The following BAZ2B variants were observed in gnomAD, a reference collection of about 807,000 sequenced individuals.
The protein encoded by BAZ2B is bromodomain adjacent to zinc finger domain 2B, also known as bromodomain adjacent to zinc finger domain protein 2B.
BAZ2B carries 91 observed loss-of-function variants against 246.0 expected under a neutral mutation model. The observed-to-expected ratio is 0.37, with a 90% confidence interval of 0.31 to 0.44. The LOEUF (loss-of-function observed/expected upper bound fraction) is 0.44, where lower values mean the gene tolerates loss of function less well. Ranked by LOEUF, BAZ2B falls within the 20% of genes least tolerant of loss-of-function variation. The probability of loss-of-function intolerance (pLI) is 1.00; values close to 1 mark genes in which losing one functional copy is unlikely to be tolerated. For missense variants in BAZ2B, 2,332 were observed against 2,533.7 expected, an observed-to-expected ratio of 0.92 and a Z score of 1.71; for synonymous variants, 855 against 860.0, an observed-to-expected ratio of 0.99 and a Z score of 0.10.
At chr2:159,700,913 G>GT in the BAZ2B span, among the ~76,000 whole-genome samples, 16 of 152,126 alleles carry the variant, frequency 1.1e-4, no homozygotes, top group Non-Finnish European at 4.4e-5. Flanking sequence ...ATTTCATAAA[G>GT]TGATGTCTAA....
chr2:159,630,835 G>A, the BAZ2B span, among the ~76,000 whole-genome samples: 10 of 151,028 alleles, frequency 6.6e-5, no homozygotes, highest in Non-Finnish European at 1.3e-4. Context: ...CGCCCGGCCA[G>A]ACTAACCGTA....
At chr2:159,419,158 A>G (rs1249583316) in intron 13 of BAZ2B, among the ~76,000 whole-genome samples, 2 of 152,172 alleles carry the variant, frequency 1.3e-5, no homozygotes, top group East Asian at 3.8e-4. Context: ...AAACTTTTAG[A>G]ATGTCACACC....
At chr2:159,446,721 T>C in intron 6 of BAZ2B, 61 bp downstream of exon 6, 1 of 1,413,164 alleles carries the variant, frequency 7.1e-7, no homozygotes, top group Admixed American at 2.5e-5. Flanking sequence ...TGATTTGACC[T>C]TCAGAATGCT....
At chr2:159,640,893 A>G in the BAZ2B span, among the ~76,000 whole-genome samples, 1 of 152,060 alleles carries the variant, frequency 6.6e-6, no homozygotes, top group Non-Finnish European at 1.5e-5. Flanking sequence ...GAAATAATAA[A>G]GCTCAGAGAA....
the BAZ2B span, among the ~76,000 whole-genome samples, chr2:159,703,296 G>A: frequency 1.3e-4 from 19 of 150,970 alleles, no homozygotes; most frequent in East Asian, 2.8e-3. Flanking sequence ...ATTTTACCAC[G>A]TTGGCCAGGC....
intron 3 of BAZ2B, among the ~76,000 whole-genome samples, chr2:159,465,149 G>C (rs1017373772): frequency 1.3e-5 from 2 of 152,158 alleles, no homozygotes; most frequent in Admixed American, 1.3e-4. Context: ...TCCTTCTGAA[G>C]GCACTAGGAA....
chr2:159,329,579 T>G (rs897402605), intron 34 of BAZ2B, among the ~76,000 whole-genome samples: 2 of 152,268 alleles, frequency 1.3e-5, no homozygotes. Flanking sequence ...ATCAGGATAA[T>G]GTATGCAGAA....
At chr2:159,368,338 C>T (rs950957756) in intron 27 of BAZ2B, among the ~76,000 whole-genome samples, 2 of 152,268 alleles carry the variant, frequency 1.3e-5, no homozygotes, top group South Asian at 2.1e-4. Flanking sequence ...CAGGCATGAA[C>T]CAGTGCACCT....
intron 2 of BAZ2B, among the ~76,000 whole-genome samples, chr2:159,552,172 G>T (rs2088356018): frequency 6.6e-6 from 1 of 152,094 alleles, no homozygotes; most frequent in African/African-American, 2.4e-5. Flanking sequence ...GGTTTTTTAA[G>T]ATGTTGCCAT....
At chr2:159,506,949 G>C (rs898294280) in intron 2 of BAZ2B, among the ~76,000 whole-genome samples, 1 of 152,136 alleles carries the variant, frequency 6.6e-6, no homozygotes, top group Non-Finnish European at 1.5e-5. Context: ...TGGCACTACT[G>C]GTGGGACTGA....
At chr2:159,669,791 T>C in the BAZ2B span, among the ~76,000 whole-genome samples, 378 of 152,324 alleles carry the variant, frequency 2.5e-3, 2 homozygotes, top group African/African-American at 8.7e-3. Flanking sequence ...GATAAATCTC[T>C]TGTAGGAAGT....
At chr2:159,493,615 T>C (rs553170683) in intron 2 of BAZ2B, among the ~76,000 whole-genome samples, 1 of 152,364 alleles carries the variant, frequency 6.6e-6, no homozygotes, top group South Asian at 2.1e-4. Context: ...ACTAAAATGT[T>C]GGAATTTCAT....
chr2:159,631,659 C>T, the BAZ2B span, among the ~76,000 whole-genome samples: 1 of 152,174 alleles, frequency 6.6e-6, no homozygotes, highest in Admixed American at 6.6e-5. Context: ...TTAACAATAA[C>T]TGCAATGGAT....
chr2:159,666,934 G>A, the BAZ2B span, among the ~76,000 whole-genome samples: 1 of 151,938 alleles, frequency 6.6e-6, no homozygotes, highest in East Asian at 1.9e-4. Flanking sequence ...TGTTGGGGGT[G>A]GGGGGCAAGG....
At chr2:159,555,072 G>A (rs991637804) in intron 2 of BAZ2B, among the ~76,000 whole-genome samples, 2 of 25,804 alleles carry the variant, frequency 7.8e-5, no homozygotes, top group Non-Finnish European at 1.5e-4. Context: ...TGTGGGGGGT[G>A]TGTGTGTGTG....
intron 13 of BAZ2B, among the ~76,000 whole-genome samples, chr2:159,418,894 C>T (rs2068230863): frequency 6.6e-6 from 1 of 152,048 alleles, no homozygotes; most frequent in African/African-American, 2.4e-5. Context: ...GGACTGAGAC[C>T]TCTATCTATC....
the BAZ2B span, among the ~76,000 whole-genome samples, chr2:159,688,092 A>G: frequency 6.6e-6 from 1 of 152,264 alleles, no homozygotes; most frequent in African/African-American, 2.4e-5. Context: ...CCAGGCTGAA[A>G]GGCAGTGTGA....
intron 25 of BAZ2B, among the ~76,000 whole-genome samples, chr2:159,381,816 C>A (rs2149496132): frequency 6.6e-6 from 1 of 152,272 alleles, no homozygotes; most frequent in East Asian, 1.9e-4. Context: ...CACTTGCAAT[C>A]CCCTTAAAGC....
chr2:159,428,211 G>T lies in BAZ2B; in HGVS notation c.2364+100C>A, dbSNP rs2070351343. On this transcript the variant is annotated intron_variant, in intron 12 of 36. Transcript: ENST00000392783. ...ATAGTCCCATACAAGAGAATATTTA[G>T]TATCAAGGAACTTTATCTGAGAAAG... 8 of 1,157,544 alleles carry T rather than the reference G, an allele frequency of 6.9e-6. No individual in the cohort carries two copies. The South Asian group carries it at 1.2e-4, about 17-fold the overall frequency. 71.7% of individuals were successfully genotyped at this position (1,157,544 alleles called of 1,614,324 possible).
Sources: allele counts gnomAD v4.1 joint callset (sites outside exome capture counted in the v4.1 genomes callset), GRCh38; gene constraint gnomAD v4.1.1; transcripts MANE v1.5; gene names NCBI Gene and HGNC (gene_info 2026-07-23, HGNC 2026-07-21).